Variants in CTDSPL2 observed in about 807,000 individuals in gnomAD.
CTDSPL2 encodes CTD small phosphatase like 2.
Under a neutral mutation model 60.0 loss-of-function variants are expected in CTDSPL2, and 5 were observed. That is an observed-to-expected ratio of 0.08 (90% CI 0.04 to 0.18). The LOEUF (loss-of-function observed/expected upper bound fraction) is 0.18. CTDSPL2 is among the 10% of genes least tolerant of loss of function. CTDSPL2 has a pLI of 1.00. For synonymous variants in CTDSPL2, 186 were observed against 189.3 expected (o/e 0.98, Z 0.14); for missense variants, 370 against 548.8 (o/e 0.67, Z 3.26).
intron 1 of CTDSPL2, among the ~76,000 whole-genome samples, chr15:44,441,305 T>G (rs546701844): frequency 5.5e-4 from 84 of 152,274 alleles, no homozygotes; most frequent in Non-Finnish European, 1.1e-3. Context: ...CCCTTCCAGT[T>G]TTTGTTCCCT....
chr15:44,430,521 A>G (rs535689598), intron 1 of CTDSPL2, among the ~76,000 whole-genome samples: 13 of 152,198 alleles, frequency 8.5e-5, no homozygotes, highest in African/African-American at 2.9e-4. Context: ...TGCTGGGAAG[A>G]CGGGTATTTG....
chr15:44,514,589 T>C lies in CTDSPL2; in HGVS notation c.970-9T>C, dbSNP rs931452331. ...TTATTTGCTGAAACTTATCTTTGTA[T>C]TTCCTTAGGTTTATGTGAGATTAAG... On this transcript the variant is annotated splice_polypyrimidine_tract_variant and intron_variant, in intron 8 of 12. Transcript: ENST00000260327. 2.6e-6 allele frequency: 4 copies of C among 1,560,968 alleles called. No homozygotes were observed. Among genetic ancestry groups the C allele is most frequent in the Non-Finnish European group, 3.5e-6 (4 of 1,132,462 alleles).
Position 44,497,066 on chromosome 15 carries a change from A to G in CTDSPL2, c.810A>G (p.Glu270=). Residue 270 remains glutamate (E), a synonymous_variant, in exon 7 of 13, where the codon GAA becomes GAG. Coordinates refer to ENST00000260327, the MANE Select transcript of CTDSPL2 (RefSeq NM_016396.3). ...FIKHVPPLTE[E]QLNRKPALPL... is the part of the protein sequence containing the mutation. Reference sequence around the variant, plus strand: ...AACATGTCCCGCCACTGACAGAAGAACAACTAAATAGGAAACCTGCTCTTC... The same window carrying G: ...AACATGTCCCGCCACTGACAGAAGAGCAACTAAATAGGAAACCTGCTCTTC... The G allele has an allele frequency of 6.2e-7, 1 of 1,611,272 alleles. No homozygotes were observed. The highest frequency in any genetic ancestry group is 8.5e-7 in the Non-Finnish European group (1 of 1,178,252).
intron 8 of CTDSPL2, 93 bp downstream of exon 8, chr15:44,499,906 A>G (rs1037411993): frequency 1.4e-6 from 1 of 695,058 alleles, no homozygotes; most frequent in African/African-American, 1.8e-5. Context: ...GTGACATTAA[A>G]TGTGTTTTTC....
At chr15:44,508,149 C>A (rs757954528) in intron 8 of CTDSPL2, among the ~76,000 whole-genome samples, 54 of 151,312 alleles carry the variant, frequency 3.6e-4, no homozygotes, top group Admixed American at 2.9e-3. Context: ...GTGACATGAT[C>A]ACATCTCACT....
chr15:44,466,885 G>A (rs2080706889), intron 2 of CTDSPL2, among the ~76,000 whole-genome samples: 1 of 152,152 alleles, frequency 6.6e-6, no homozygotes, highest in African/African-American at 2.4e-5. Flanking sequence ...CTTGCAGTGA[G>A]CTGAGATTGC....
At position 44,524,871 on chromosome 15, in the gene CTDSPL2, TTTG is replaced by T. The variant is rs1337250817; in HGVS notation, c.*700_*702del. On this transcript the variant is annotated 3_prime_UTR_variant, in exon 13 of 13. Coordinates refer to ENST00000260327, the MANE Select transcript of CTDSPL2 (RefSeq NM_016396.3). ...CATTTAGAAAGACATGCATTTATAT[TTTG>T]TTTCTGTAATATTCTACTGTAGGTG... The T allele has an allele frequency of 6.5e-6, 1 of 152,786 alleles. No individual in the cohort carries two copies. The highest frequency in any genetic ancestry group is 1.9e-4 in the East Asian group (1 of 5,204). The allele number at this position is 152,786 out of a possible 1,614,324, so 9.5% of individuals were successfully genotyped here. A position where few individuals can be genotyped will look rare whatever the true frequency, so the allele number is the denominator to read the frequency against.
intron 6 of CTDSPL2, 116 bp from the exon 7 acceptor site, chr15:44,496,911 A>G (rs2081310677): frequency 3.6e-6 from 2 of 554,260 alleles, no homozygotes; most frequent in Non-Finnish European, 6.6e-6. Context: ...AATATGTTTT[A>G]TAAGTTTTGT....
chr15:44,433,702 G>A (rs1249832351), intron 1 of CTDSPL2, among the ~76,000 whole-genome samples: 1 of 151,322 alleles, frequency 6.6e-6, no homozygotes, highest in African/African-American at 2.4e-5. Flanking sequence ...ACGGAGTCTC[G>A]CTCTGTCACC....
intron 8 of CTDSPL2, among the ~76,000 whole-genome samples, chr15:44,506,256 C>T (rs1293599340): frequency 6.6e-6 from 1 of 151,782 alleles, no homozygotes; most frequent in African/African-American, 2.4e-5. Context: ...TCTTGAACTC[C>T]TCACCTCAAG....
chr15:44,434,175 G>A (rs1050589295), intron 1 of CTDSPL2, among the ~76,000 whole-genome samples: 3 of 152,084 alleles, frequency 2.0e-5, no homozygotes, highest in Admixed American at 6.6e-5. Flanking sequence ...GCCAAGATGG[G>A]CAGATCATGA....
chr15:44,517,518 C>T (rs1303509051), intron 10 of CTDSPL2: 2 of 151,948 alleles, frequency 1.3e-5, no homozygotes, highest in African/African-American at 4.8e-5. Context: ...TTCCTGTGAT[C>T]TCTAAATCTC....
intron 2 of CTDSPL2, among the ~76,000 whole-genome samples, chr15:44,473,548 G>A (rs1567080148): frequency 1.3e-5 from 2 of 152,140 alleles, no homozygotes; most frequent in Admixed American, 6.6e-5. Flanking sequence ...ACCCGCCCCG[G>A]CCTCCCAAAG....
At chr15:44,448,229 G>C (rs1055794669) in intron 1 of CTDSPL2, 2 of 300,474 alleles carry the variant, frequency 6.7e-6, no homozygotes, top group African/African-American at 4.4e-5. Context: ...GCACCCATGT[G>C]CTCCAGGCCG....
In CTDSPL2 at chr15:44,459,065, A is replaced by G. The variant is rs763747551; in HGVS notation, c.51A>G (p.Thr17=). 1.2e-5 allele frequency: 20 copies of G among 1,611,312 alleles called. No individual in the cohort carries two copies. The highest frequency in any genetic ancestry group is 1.6e-5 in the Non-Finnish European group (19 of 1,178,656). ...KASQQSNQIQ[T]QRTARAKRKY... Reference sequence around the variant, plus strand: ...CTCAGCAGTCAAATCAAATCCAAACACAACGCACTGCCAGAGCAAAGAGGA... The same window carrying G: ...CTCAGCAGTCAAATCAAATCCAAACGCAACGCACTGCCAGAGCAAAGAGGA... The change falls in exon 2 of 13, where the codon ACA becomes ACG. Residue 17 remains threonine (T), a synonymous_variant. Coordinates refer to ENST00000260327, the MANE Select transcript of CTDSPL2 (RefSeq NM_016396.3).
At position 44,515,958 on chromosome 15, in the gene CTDSPL2, CTCTT is replaced by C. The variant is rs1156593718; in HGVS notation, c.1112+1118_1112+1121del. 6.6e-5 allele frequency among the ~76,000 whole-genome samples: 10 copies of C among 150,690 alleles called. No homozygotes were observed. In the South Asian group the frequency reaches 1.3e-3, roughly 19 times the overall value. On this transcript the variant is annotated intron_variant, in intron 10 of 12. Transcript: ENST00000260327. ...CTTTCTTTCTTTCTTTCTCTCCTCT[CTCTT>C]TCTCTATTTCTTTCTTTCTTTTTCT...
At chr15:44,470,321 CAA>C in intron 2 of CTDSPL2, 1 of 151,968 alleles carries the variant, frequency 6.6e-6, no homozygotes, top group Admixed American at 6.6e-5. Flanking sequence ...CTCATTATCT[CAA>C]GTGATATTAT....
intron 5 of CTDSPL2, among the ~76,000 whole-genome samples, chr15:44,492,070 T>C (rs1471763822): frequency 6.6e-6 from 1 of 152,124 alleles, no homozygotes; most frequent in Non-Finnish European, 1.5e-5. Flanking sequence ...GGTTTCATCA[T>C]GTTGACCAGG....
chr15:44,474,669 A>G (rs530635483), intron 2 of CTDSPL2, among the ~76,000 whole-genome samples: 2 of 152,196 alleles, frequency 1.3e-5, no homozygotes, highest in South Asian at 4.1e-4. Context: ...CAGCCTGGCC[A>G]ACATAGTGAA....
Sources: allele counts gnomAD v4.1 joint callset (sites outside exome capture counted in the v4.1 genomes callset), GRCh38; gene constraint gnomAD v4.1.1; transcripts MANE v1.5; gene names NCBI Gene and HGNC (gene_info 2026-07-23, HGNC 2026-07-21).